Variants in ARHGAP19 observed in about 807,000 individuals in gnomAD.
The protein encoded by ARHGAP19 is rho GTPase-activating protein 19.
Under a neutral mutation model 60.9 loss-of-function variants are expected in ARHGAP19, and 48 were observed. The observed-to-expected ratio is 0.79, with a 90% CI of 0.62 to 1.00. ARHGAP19 has a LOEUF of 1.00. ARHGAP19 is among the 50% of genes least tolerant of loss of function. The pLI is 0.00. For missense variants in ARHGAP19, 562 were observed against 597.2 expected, an observed-to-expected ratio of 0.94 and a Z score of 0.61; for synonymous variants, 209 against 215.5, an observed-to-expected ratio of 0.97 and a Z score of 0.27.
In ARHGAP19 at chr10:97,223,927, CAATA is replaced by C. The variant is rs1850851367; in HGVS notation, c.*2191_*2194del. ...CCCCTAAAGCAAGGGAAAACATATT[CAATA>C]AATAAACAAAACACACATAAACCAC... On this transcript the variant is annotated 3_prime_UTR_variant, in exon 12 of 12. Coordinates refer to ENST00000358531, the MANE Select transcript of ARHGAP19 (RefSeq NM_032900.6). 1 of 152,140 alleles carries C rather than the reference CAATA, an allele frequency of 6.6e-6. No homozygotes were observed. Among genetic ancestry groups the C allele is most frequent in the African/African-American group, 2.4e-5 (1 of 41,436 alleles). The allele number at this position is 152,140 out of a possible 1,614,324, so 9.4% of individuals were successfully genotyped here.
At chr10:97,240,216 C>T (rs1842457603) in intron 8 of ARHGAP19, among the ~76,000 whole-genome samples, 1 of 151,674 alleles carries the variant, frequency 6.6e-6, no homozygotes. Flanking sequence ...AATGCATATT[C>T]GTTTATCATG....
intron 1 of ARHGAP19, chr10:97,270,658 A>G (rs1842949936): frequency 6.5e-7 from 1 of 1,547,624 alleles, no homozygotes; most frequent in Non-Finnish European, 8.7e-7. Flanking sequence ...AGACAGGAAG[A>G]AAGCTTTCCC....
chr10:97,262,202 T>G (rs1842839506), intron 4 of ARHGAP19, among the ~76,000 whole-genome samples: 1 of 151,418 alleles, frequency 6.6e-6, no homozygotes, highest in Non-Finnish European at 1.5e-5. Flanking sequence ...AAAAAATTTT[T>G]TTTTTTTTAA....
Position 97,244,517 on chromosome 10 carries a change from A to T in ARHGAP19, c.994-358T>A, listed in dbSNP as rs147303552. ...CATGATTCCCATCTGACAGAGGAAA[A>T]AAACTGAGGTTAAACTGTAAGTTTA... On this transcript the variant is annotated intron_variant, in intron 7 of 11. Transcript: ENST00000358531. Among the ~76,000 whole-genome samples, 771 of 152,294 alleles carry T rather than the reference A, an allele frequency of 5.1e-3. 6 individuals are homozygous for T. Among genetic ancestry groups the T allele is most frequent in the African/African-American group, 0.017 (727 of 41,562 alleles).
chr10:97,235,563 C>CA (rs1175880461), intron 8 of ARHGAP19, among the ~76,000 whole-genome samples: 1 of 152,036 alleles, frequency 6.6e-6, no homozygotes, highest in Non-Finnish European at 1.5e-5. Context: ...ATTCTACAGA[C>CA]AAAAAAACTG....
chr10:97,266,205 T>C, intron 1 of ARHGAP19, 80 bp from the exon 2 acceptor site: 1 of 1,524,096 alleles, frequency 6.6e-7, no homozygotes, highest in East Asian at 2.3e-5. Flanking sequence ...TATTTGGTCC[T>C]GACTCCACGC....
At chr10:97,283,288 C>T (rs529607335) in intron 1 of ARHGAP19, among the ~76,000 whole-genome samples, 7 of 152,114 alleles carry the variant, frequency 4.6e-5, no homozygotes, top group African/African-American at 1.7e-4. Flanking sequence ...TGAGAGTGTT[C>T]ACTGAAGGTG....
At chr10:97,287,513 A>AGGC in intron 1 of ARHGAP19, among the ~76,000 whole-genome samples, 5 of 152,286 alleles carry the variant, frequency 3.3e-5, no homozygotes, top group Non-Finnish European at 7.4e-5. Flanking sequence ...AGGCCAAGGC[A>AGGC]AGAGGAATGC....
At chr10:97,240,638 A>G (rs2487272) in intron 8 of ARHGAP19, among the ~76,000 whole-genome samples, 143,203 of 152,262 alleles carry the variant, frequency 0.94, 67,947 homozygotes, top group East Asian at 1. Flanking sequence ...GCGACAGAGC[A>G]GAACTCTGTC....
At chr10:97,270,553 T>C (rs949840451) in intron 1 of ARHGAP19, 16 of 1,470,686 alleles carry the variant, frequency 1.1e-5, no homozygotes, top group Admixed American at 8.3e-5. Context: ...CTCTACAATA[T>C]TGTAAAACAA....
chr10:97,229,183 A>G lies in ARHGAP19; in HGVS notation c.1438T>C (p.Leu480=), dbSNP rs376418052. 6.9e-5 allele frequency: 112 copies of G among 1,614,126 alleles called. No homozygotes were observed. In the Middle Eastern group the frequency reaches 4.8e-3, roughly 69 times the overall value. ...TCTTTCTTCCCTTCAGACCACTTCA[A>G]TCTTGTTGGTGTCATCGTGACAGCT... is the stretch of plus-strand genomic sequence containing the variant. ...SPAVTMTPTR[L]KWSEGKKEGK... Residue 480 remains leucine, a synonymous_variant, in exon 11 of 12, where the codon TTG becomes CTG. Transcript: ENST00000358531.
intron 4 of ARHGAP19, among the ~76,000 whole-genome samples, chr10:97,260,789 CA>C (rs200203784): frequency 0.012 from 1,882 of 151,734 alleles, 31 homozygotes; most frequent in Non-Finnish European, 0.018. Context: ...GGTATATACC[CA>C]AGAGAAATAA....
At chr10:97,280,281 C>T (rs1400163089) in intron 1 of ARHGAP19, among the ~76,000 whole-genome samples, 1 of 151,942 alleles carries the variant, frequency 6.6e-6, no homozygotes, top group East Asian at 1.9e-4. Flanking sequence ...TGGTGGTGCA[C>T]ACCTGTAATC....
chr10:97,259,862 G>A (rs1444305799), intron 4 of ARHGAP19, among the ~76,000 whole-genome samples: 1 of 65,338 alleles, frequency 1.5e-5, no homozygotes, highest in African/African-American at 4.4e-5. Flanking sequence ...TTGAGACAAA[G>A]TCTTGCTCTG....
At chr10:97,250,330 A>C (rs1842625421) in intron 6 of ARHGAP19, among the ~76,000 whole-genome samples, 1 of 152,124 alleles carries the variant, frequency 6.6e-6, no homozygotes, top group African/African-American at 2.4e-5. Flanking sequence ...ATTTTTCAAA[A>C]TAAAGGTCTT....
intron 8 of ARHGAP19, among the ~76,000 whole-genome samples, chr10:97,238,345 G>A (rs1200629374): frequency 6.6e-6 from 1 of 152,118 alleles, no homozygotes; most frequent in African/African-American, 2.4e-5. Context: ...GAGGCCTCCT[G>A]TGTAGCTAGG....
intron 8 of ARHGAP19, among the ~76,000 whole-genome samples, chr10:97,242,018 A>AT (rs1842491416): frequency 6.7e-6 from 1 of 148,496 alleles, no homozygotes; most frequent in African/African-American, 2.5e-5. Context: ...TCAAAAAAAA[A>AT]AAAAAATAAT....
chr10:97,283,712 G>A (rs1164535560), intron 1 of ARHGAP19, among the ~76,000 whole-genome samples: 2 of 151,332 alleles, frequency 1.3e-5, no homozygotes, highest in Non-Finnish European at 2.9e-5. Context: ...GACTCAGAAG[G>A]AACCAGACAT....
chr10:97,287,171 C>G (rs1293190865), intron 1 of ARHGAP19, among the ~76,000 whole-genome samples: 1 of 152,078 alleles, frequency 6.6e-6, no homozygotes, highest in Non-Finnish European at 1.5e-5. Flanking sequence ...TCTCAAACTC[C>G]TGGCCTCAGG....
Sources: allele counts gnomAD v4.1 joint callset (sites outside exome capture counted in the v4.1 genomes callset), GRCh38; gene constraint gnomAD v4.1.1; transcripts MANE v1.5; gene names NCBI Gene and HGNC (gene_info 2026-07-23, HGNC 2026-07-21).